The following NRROS variants were observed in gnomAD, a reference collection of about 807,000 sequenced individuals.
The protein encoded by NRROS is negative regulator of reactive oxygen species.
In NRROS, 6 loss-of-function variants were observed where a neutral mutation model predicts 12.0. The observed-to-expected ratio is 0.50, with a 90% CI of 0.27 to 0.98. The LOEUF is 0.98. NRROS is among the 50% of genes least tolerant of loss of function. The pLI, the probability that NRROS is intolerant of heterozygous loss-of-function variation, is 0.11. For synonymous variants in NRROS, 462 were observed against 410.2 expected (o/e 1.13, Z -1.53); for missense variants, 857 against 888.2 (o/e 0.96, Z 0.45).
rs1180983144 is a variant in NRROS, at chr3:196,659,760, A to G, written c.117A>G (p.Gly39=). 1.2e-6 allele frequency: 2 copies of G among 1,607,336 alleles called. No individual in the cohort carries two copies. The highest frequency in any genetic ancestry group is 2.7e-5 in the African/African-American group (2 of 74,722). Residue 39 remains glycine (G), a synonymous_variant, in exon 3 of 3, where the codon GGA becomes GGG. Transcript: ENST00000328557. ...TGTGGTTTTGGCCGCAGGTGGGTGGAGCCGCTGACTGCCGAGGGCAGAGCC... is the reference window on the plus strand; with the variant it reads ...TGTGGTTTTGGCCGCAGGTGGGTGGGGCCGCTGACTGCCGAGGGCAGAGCC... The part of the protein sequence containing the change: ...ASQGVCKLVG[G]AADCRGQSLA...
intron 2 of NRROS, among the ~76,000 whole-genome samples, chr3:196,657,726 T>C (rs1234057029): frequency 1.4e-5 from 2 of 139,896 alleles, no homozygotes; most frequent in African/African-American, 5.2e-5. Flanking sequence ...AAAAAAAAGA[T>C]AAAAATTCTC....
At chr3:196,646,870 G>A (rs1355796385) in intron 1 of NRROS, among the ~76,000 whole-genome samples, 1 of 152,214 alleles carries the variant, frequency 6.6e-6, no homozygotes, top group African/African-American at 2.4e-5. Context: ...CACTGCCTTC[G>A]CCGAGCCGCC....
At chr3:196,649,562 C>T (rs112290230) in intron 1 of NRROS, among the ~76,000 whole-genome samples, 1 of 152,150 alleles carries the variant, frequency 6.6e-6, no homozygotes, top group East Asian at 1.9e-4. Context: ...AGCTCCACCT[C>T]CCGGGTTCAC....
intron 1 of NRROS, among the ~76,000 whole-genome samples, chr3:196,641,030 T>A (rs962233560): frequency 1.3e-5 from 2 of 152,088 alleles, no homozygotes; most frequent in Admixed American, 1.3e-4. Context: ...AATACGTATT[T>A]ATTCTCCTCA....
intron 1 of NRROS, among the ~76,000 whole-genome samples, chr3:196,645,890 A>G (rs533683276): frequency 1.3e-5 from 2 of 152,186 alleles, no homozygotes; most frequent in East Asian, 1.9e-4. Context: ...CTTCTCCTTC[A>G]CTGTATTTCC....
intron 1 of NRROS, among the ~76,000 whole-genome samples, chr3:196,645,641 C>T (rs187246299): frequency 1.3e-5 from 2 of 152,234 alleles, no homozygotes; most frequent in African/African-American, 2.4e-5. Context: ...GAATCGGCCT[C>T]TTGTCAGGAA....
chr3:196,656,771 G>A (rs1043873618), intron 2 of NRROS, among the ~76,000 whole-genome samples: 1 of 152,110 alleles, frequency 6.6e-6, no homozygotes, highest in Non-Finnish European at 1.5e-5. Flanking sequence ...TTCTGGCCCA[G>A]TGGGCAGGAG....
intron 2 of NRROS, among the ~76,000 whole-genome samples, chr3:196,655,415 A>G (rs1737516886): frequency 6.6e-6 from 1 of 150,480 alleles, no homozygotes; most frequent in African/African-American, 2.5e-5. Flanking sequence ...CATGCCTGTA[A>G]TTCCAGCTAC....
At chr3:196,649,323 C>G (rs535702731) in intron 1 of NRROS, among the ~76,000 whole-genome samples, 2 of 152,288 alleles carry the variant, frequency 1.3e-5, no homozygotes, top group South Asian at 4.1e-4. Flanking sequence ...TTCTTGCAGT[C>G]AAAGGCAGAC....
In NRROS at chr3:196,660,810, G is replaced by A. The variant is rs111416333; in HGVS notation, c.1167G>A (p.Ser389=). The change falls in exon 3 of 3, where the codon TCG becomes TCA. Residue 389 remains serine (S), a synonymous_variant. Transcript: ENST00000328557. This position sits in a 1 kb window ranked among gnomAD's most constrained non-coding sequence, Gnocchi z 7.7. ...TGGACCTGAGCCACAACCAGCTGTC[G>A]GAGCTGCACCTGGCTCCGGGGCTGG... The part of the protein sequence containing the change: ...TELDLSHNQL[S]ELHLAPGLAS... The A allele has an allele frequency of 3.0e-5, 49 of 1,613,662 alleles. No individual in the cohort carries two copies. In the African/African-American group the frequency reaches 3.2e-4, roughly 11 times the overall value.
At chr3:196,639,984 A>C (rs907127040) in intron 1 of NRROS, 109 bp downstream of exon 1, 2 of 152,418 alleles carry the variant, frequency 1.3e-5, no homozygotes, top group African/African-American at 4.8e-5. Context: ...CGCGGCCCGC[A>C]GCTCAGGGCT....
intron 1 of NRROS, among the ~76,000 whole-genome samples, chr3:196,645,455 G>C (rs1042133283): frequency 6.6e-6 from 1 of 152,144 alleles, no homozygotes; most frequent in African/African-American, 2.4e-5. Context: ...GACCAAGTGT[G>C]AAATGGAGAT....
At chr3:196,658,437 A>G (rs1295808348) in intron 2 of NRROS, among the ~76,000 whole-genome samples, 1 of 152,180 alleles carries the variant, frequency 6.6e-6, no homozygotes, top group Non-Finnish European at 1.5e-5. Context: ...ATTATCAGAT[A>G]AAGAACCCGA....
chr3:196,643,382 G>A (rs1577627311), intron 1 of NRROS, among the ~76,000 whole-genome samples: 1 of 152,164 alleles, frequency 6.6e-6, no homozygotes, highest in Non-Finnish European at 1.5e-5. Flanking sequence ...CGAGGTGGGC[G>A]CGAGGAGCAG....
intron 1 of NRROS, among the ~76,000 whole-genome samples, chr3:196,651,639 C>T (rs1049137208): frequency 1.3e-5 from 2 of 152,104 alleles, no homozygotes; most frequent in Admixed American, 1.3e-4. Context: ...TGGTGGCGTG[C>T]ACCTGTAATC....
At chr3:196,658,566 G>A (rs115753032) in intron 2 of NRROS, among the ~76,000 whole-genome samples, 1,784 of 152,302 alleles carry the variant, frequency 0.012, 44 homozygotes, top group African/African-American at 0.04. Flanking sequence ...TTGCCGTGCT[G>A]CACTTGCCCT....
chr3:196,661,483 G>A lies in NRROS; in HGVS notation c.1840G>A (p.Ala614Thr). The A allele has an allele frequency of 6.2e-7, 1 of 1,606,492 alleles. No homozygotes were observed. ...WGALQHGQTV[A>T]DWAMVTCNLS... ...GGCCCTGCAGCATGGGCAGACGGTGGCCGACTGGGCCATGGTCACCTGCAA... is the reference window on the plus strand; with the variant it reads ...GGCCCTGCAGCATGGGCAGACGGTGACCGACTGGGCCATGGTCACCTGCAA... The change falls in exon 3 of 3, where the codon GCC becomes ACC. Residue 614 changes from alanine to threonine, a missense_variant. Ala to Thr is a moderately conservative substitution (Grantham distance 58). Coordinates refer to ENST00000328557, the MANE Select transcript of NRROS (RefSeq NM_198565.3).
Position 196,654,811 on chromosome 3 carries a change from A to G in NRROS, c.108+164A>G. On this transcript the variant is annotated intron_variant, in intron 2 of 2. Transcript: ENST00000328557. The surrounding 1 kb of genome is among the most constrained non-coding windows in gnomAD (Gnocchi z 4.4). Reference sequence around the variant, plus strand: ...GGGCATGTGCAGCTGCCCTTTAACCACAGGATTTTAAGATGCTTCCTGGGA... The same window carrying G: ...GGGCATGTGCAGCTGCCCTTTAACCGCAGGATTTTAAGATGCTTCCTGGGA... 1.7e-6 allele frequency: 1 copy of G among 579,922 alleles called. No homozygotes were observed. The highest frequency in any genetic ancestry group is 2.1e-5 in the South Asian group (1 of 46,814). The allele number at this position is 579,922 out of a possible 1,614,324, so 35.9% of individuals were successfully genotyped here.
chr3:196,657,707 CAAAA>C (rs11403911), intron 2 of NRROS, among the ~76,000 whole-genome samples: 1 of 123,178 alleles, frequency 8.1e-6, no homozygotes. Context: ...GACTCTGTCT[CAAAA>C]AAAAAAAAAA....
Sources: allele counts gnomAD v4.1 joint callset (sites outside exome capture counted in the v4.1 genomes callset), GRCh38; gene constraint gnomAD v4.1.1; non-coding constraint Gnocchi (gnomAD v3.1); transcripts MANE v1.5; gene names NCBI Gene and HGNC (gene_info 2026-07-23, HGNC 2026-07-21).